TGIF1: variants seen among roughly 807,000 people sequenced by gnomAD.
The protein encoded by TGIF1 is TGFB induced factor homeobox 1, also known as homeobox protein TGIF1.
TGIF1 carries 4 observed loss-of-function variants against 19.3 expected under a neutral mutation model. That is an observed-to-expected ratio of 0.21 (90% CI 0.10 to 0.47). TGIF1 has a LOEUF of 0.47. Among genes scored for constraint, TGIF1 ranks in the 20% least tolerant of loss-of-function variants. The pLI is 0.98. For synonymous variants in TGIF1, 122 were observed against 129.3 expected (o/e 0.94, Z 0.38); for missense variants, 275 against 341.4 (o/e 0.81, Z 1.53).
At position 3,451,862 on chromosome 18, in the gene TGIF1, GTCCGAGAC is replaced by G; in HGVS notation, c.16+1358_16+1365del. 1 of 1,410,264 alleles carries G rather than the reference GTCCGAGAC, an allele frequency of 7.1e-7. No individual in the cohort carries two copies. Among genetic ancestry groups the G allele is most frequent in the Admixed American group, 3.0e-5 (1 of 33,580 alleles). 87.4% of individuals were successfully genotyped at this position (1,410,264 alleles called of 1,614,324 possible). A position where few individuals can be genotyped will look rare whatever the true frequency, so the allele number is the denominator to read the frequency against. ...CCCTGGGAGAAAACGCGCGGGGGGC[GTCCGAGAC>G]GCCCCGTGAAAGCCGTGCCGACCCT... is the stretch of plus-strand genomic sequence containing the variant. On this transcript the variant is annotated intron_variant, in intron 1 of 2. Transcript: ENST00000343820. This position sits in a 1 kb window ranked among gnomAD's most constrained non-coding sequence, Gnocchi z 5.4.
At chr18:3,445,752 A>G (rs866226076), upstream of TGIF1, among the ~76,000 whole-genome samples, 443 of 114,926 alleles carry the variant, frequency 3.9e-3, 3 homozygotes, top group African/African-American at 0.017. Flanking sequence ...AAAAAAAAAA[A>G]AGAGAAGAAA....
At chr18:3,437,077 C>G (rs1239240379) in intron 2 of TGIF1, among the ~76,000 whole-genome samples, 1 of 152,130 alleles carries the variant, frequency 6.6e-6, no homozygotes, top group African/African-American at 2.4e-5. Context: ...TGCACTCCAA[C>G]CTGGGTGACA....
In TGIF1 at chr18:3,450,515, C is replaced by T. The variant is rs373881756; in HGVS notation, c.16+10C>T. ...ATGAAAGGCAAGAAAGGTAAGGCGG[C>T]CGCGGGCTGCGCGCACCAGAAGACG... On this transcript the variant is annotated intron_variant, in intron 1 of 2. Coordinates refer to ENST00000343820, the MANE Select transcript of TGIF1 (RefSeq NM_003244.4). 5.6e-5 allele frequency: 87 copies of T among 1,560,502 alleles called. No individual in the cohort carries two copies. Among genetic ancestry groups the T allele is most frequent in the Non-Finnish European group, 7.0e-5 (81 of 1,152,770 alleles).
chr18:3,435,010 G>A (rs369440177), intron 2 of TGIF1, among the ~76,000 whole-genome samples: 5 of 152,178 alleles, frequency 3.3e-5, no homozygotes, highest in Admixed American at 1.3e-4. Context: ...CTTTTTTACA[G>A]TATAAGCAAT....
upstream of TGIF1, chr18:3,447,817 T>G (rs2082770764): frequency 6.2e-7 from 1 of 1,614,078 alleles, no homozygotes; most frequent in Non-Finnish European, 8.5e-7. Flanking sequence ...CATCTCCGTT[T>G]TTTCCTCCCC....
chr18:3,447,969 A>G, upstream of TGIF1: 3 of 901,544 alleles, frequency 3.3e-6, no homozygotes, highest in Non-Finnish European at 4.0e-6. Context: ...GTCCACTTGG[A>G]CGAAAGCAAA....
At chr18:3,448,253 G>A (rs2082784674), upstream of TGIF1, 1 of 985,236 alleles carries the variant, frequency 1.0e-6, no homozygotes, top group Admixed American at 6.2e-5. Context: ...CCCAGCCCCC[G>A]GCTCCTCCTC....
At chr18:3,427,883 A>G (rs539164172) in intron 2 of TGIF1, among the ~76,000 whole-genome samples, 6 of 152,320 alleles carry the variant, frequency 3.9e-5, no homozygotes, top group African/African-American at 1.4e-4. Context: ...TATAGGCGTG[A>G]ACCACCACAC....
At chr18:3,432,993 A>C (rs2082568970) in intron 2 of TGIF1, among the ~76,000 whole-genome samples, 1 of 151,956 alleles carries the variant, frequency 6.6e-6, no homozygotes, top group African/African-American at 2.4e-5. Context: ...TCCCGACCTC[A>C]GGTCATCCGC....
At chr18:3,447,878 G>T, upstream of TGIF1, 2 of 1,576,456 alleles carry the variant, frequency 1.3e-6, no homozygotes, top group Non-Finnish European at 8.7e-7. Context: ...CCTTCTCCTG[G>T]AAAGTTTGTT....
chr18:3,439,885 G>A (rs561509012), intron 2 of TGIF1, among the ~76,000 whole-genome samples: 2 of 151,940 alleles, frequency 1.3e-5, no homozygotes, highest in Non-Finnish European at 2.9e-5. Flanking sequence ...GCCAGGCGTT[G>A]TCGTGGGCGC....
chr18:3,442,426 G>A (rs938697374), intron 2 of TGIF1, among the ~76,000 whole-genome samples: 7 of 152,026 alleles, frequency 4.6e-5, no homozygotes, highest in Non-Finnish European at 1.0e-4. Context: ...TTAAACAAAT[G>A]GGGACACATT....
At chr18:3,453,416 G>T (rs1256032863) in intron 1 of TGIF1, among the ~76,000 whole-genome samples, 5 of 152,152 alleles carry the variant, frequency 3.3e-5, no homozygotes, top group Non-Finnish European at 7.4e-5. Flanking sequence ...GCTGGGCGCG[G>T]TGGTTCACGC....
At chr18:3,432,452 A>G (rs1156558594) in intron 2 of TGIF1, among the ~76,000 whole-genome samples, 1 of 152,250 alleles carries the variant, frequency 6.6e-6, no homozygotes, top group Non-Finnish European at 1.5e-5. Context: ...TATGGTCAGT[A>G]TACTAGGTAA....
At chr18:3,432,141 A>AG (rs1459718260) in intron 2 of TGIF1, among the ~76,000 whole-genome samples, 1 of 150,422 alleles carries the variant, frequency 6.6e-6, no homozygotes, top group Non-Finnish European at 1.5e-5. Flanking sequence ...AAAAAAAAAA[A>AG]AAACACTAAG....
At chr18:3,430,505 T>C (rs2082532867) in intron 2 of TGIF1, among the ~76,000 whole-genome samples, 1 of 152,106 alleles carries the variant, frequency 6.6e-6, no homozygotes, top group Non-Finnish European at 1.5e-5. Flanking sequence ...AGTTTTGTTT[T>C]GTTTTTTCTT....
chr18:3,422,650 G>T (rs1598857139), intron 2 of TGIF1, among the ~76,000 whole-genome samples: 1 of 136,110 alleles, frequency 7.3e-6, no homozygotes, highest in Non-Finnish European at 1.6e-5. Flanking sequence ...CTCCATTAAT[G>T]TTAAGTGCCC....
intron 1 of TGIF1, among the ~76,000 whole-genome samples, chr18:3,415,732 T>C (rs980707673): frequency 5.9e-5 from 9 of 152,206 alleles, no homozygotes; most frequent in Non-Finnish European, 1.3e-4. Context: ...GTGTCCAAGT[T>C]TGAATGGGGG....
rs144899751 is a variant in TGIF1 at position 3,423,071 on chromosome 18, C to T, written c.-45+4856C>T. Among the ~76,000 whole-genome samples the T allele has an allele frequency of 2.6e-5, 4 of 152,222 alleles. No individual in the cohort carries two copies. In the East Asian group the frequency reaches 5.8e-4, roughly 22 times the overall value. On this transcript the variant is annotated intron_variant, in intron 2 of 3. Coordinates refer to the TGIF1 transcript ENST00000401449. ...ATACTTACCATTGTGTTGCAATCAC[C>T]TGCAGTACTCATATGGTTACATCAC... is the stretch of plus-strand genomic sequence containing the variant.
Sources: allele counts gnomAD v4.1 joint callset (sites outside exome capture counted in the v4.1 genomes callset), GRCh38; gene constraint gnomAD v4.1.1; non-coding constraint Gnocchi (gnomAD v3.1); transcripts MANE v1.5; gene names NCBI Gene and HGNC (gene_info 2026-07-23, HGNC 2026-07-21).